The following STK33 variants were observed in gnomAD, a reference collection of about 807,000 sequenced individuals.
The protein encoded by STK33 is serine/threonine kinase 33, also known as serine/threonine-protein kinase 33.
A neutral mutation model predicts 58.0 loss-of-function variants in STK33; 52 were observed. The ratio of observed to expected loss-of-function variants is 0.90; its 90% CI spans 0.72 to 1.13. The LOEUF is 1.13. Ranked by LOEUF, STK33 falls within the 50% of genes most tolerant of loss-of-function variation. The pLI is 0.00. For missense variants in STK33, 630 were observed against 604.2 expected (o/e 1.04, Z -0.45); for synonymous variants, 215 against 200.1 (o/e 1.07, Z -0.63).
chr11:8,419,328 T>C (rs1332734255), intron 14 of STK33, among the ~76,000 whole-genome samples: 3 of 152,204 alleles, frequency 2.0e-5, no homozygotes, highest in Non-Finnish European at 4.4e-5. Context: ...GCACCATTTA[T>C]CGAATAGAAA....
At chr11:8,522,201 A>C (rs1290920704) in intron 1 of STK33, among the ~76,000 whole-genome samples, 1 of 152,248 alleles carries the variant, frequency 6.6e-6, no homozygotes, top group African/African-American at 2.4e-5. Flanking sequence ...CACTATTCAC[A>C]ATAGCAAAGA....
intron 1 of STK33, among the ~76,000 whole-genome samples, chr11:8,544,582 G>C (rs189945329): frequency 6.6e-6 from 1 of 151,206 alleles, no homozygotes; most frequent in Non-Finnish European, 1.5e-5. Context: ...ATAGAGCCTC[G>C]GATAATTGAC....
At chr11:8,466,062 A>G (rs1332016924) in intron 6 of STK33, 1 of 152,154 alleles carries the variant, frequency 6.6e-6, no homozygotes, top group Non-Finnish European at 1.5e-5. Flanking sequence ...TTCTGATTCA[A>G]TCATCTCCCA....
intron 1 of STK33, among the ~76,000 whole-genome samples, chr11:8,534,364 C>T (rs1954795104): frequency 6.6e-6 from 1 of 151,996 alleles, no homozygotes; most frequent in African/African-American, 2.4e-5. Flanking sequence ...CACAGCCTAA[C>T]CCACTCTACT....
chr11:8,494,638 G>C (rs1457587852), intron 1 of STK33, among the ~76,000 whole-genome samples: 2 of 152,104 alleles, frequency 1.3e-5, no homozygotes, highest in African/African-American at 4.8e-5. Context: ...ACATTGCCAA[G>C]ACAATCCTAA....
At chr11:8,555,467 C>T (rs1424630507) in intron 1 of STK33, among the ~76,000 whole-genome samples, 1 of 152,068 alleles carries the variant, frequency 6.6e-6, no homozygotes, top group Non-Finnish European at 1.5e-5. Context: ...AGTTCAAGAC[C>T]AGCCTGGGCA....
the STK33 span, among the ~76,000 whole-genome samples, chr11:8,383,016 G>T: frequency 6.6e-6 from 1 of 152,322 alleles, no homozygotes; most frequent in Non-Finnish European, 1.5e-5. Flanking sequence ...TGTCATTAAA[G>T]CCTGTCCTGG....
the STK33 span, among the ~76,000 whole-genome samples, chr11:8,374,167 C>A: frequency 6.6e-6 from 1 of 152,198 alleles, no homozygotes; most frequent in Non-Finnish European, 1.5e-5. Flanking sequence ...CTTTCTGATG[C>A]TTCTCTCTGT....
In STK33 at chr11:8,594,214, G is replaced by T; in HGVS notation, c.-597C>A. The T allele has an allele frequency of 6.6e-6, 1 of 152,420 alleles. No individual in the cohort carries two copies. The highest frequency in any genetic ancestry group is 1.5e-5 in the Non-Finnish European group (1 of 68,102). 9.4% of individuals were successfully genotyped at this position (152,420 alleles called of 1,614,324 possible). A position where few individuals can be genotyped will look rare whatever the true frequency, so the allele number is the denominator to read the frequency against. On this transcript the variant is annotated 5_prime_UTR_variant, in exon 1 of 16. Coordinates refer to ENST00000687296, the MANE Select transcript of STK33 (RefSeq NM_001352389.2). Reference sequence around the variant, plus strand: ...CCGCAGGGCAGTGGACGGGGGCCGCGCGAGGACAAACAGCGGCGGCGGGTG... The same window carrying T: ...CCGCAGGGCAGTGGACGGGGGCCGCTCGAGGACAAACAGCGGCGGCGGGTG...
chr11:8,396,227 C>A (rs1590708459), intron 15 of STK33, among the ~76,000 whole-genome samples: 1 of 152,186 alleles, frequency 6.6e-6, no homozygotes, highest in East Asian at 1.9e-4. Context: ...CCTCAGCCTC[C>A]CGAGTAGTTG....
At chr11:8,368,030 G>A in the STK33 span, among the ~76,000 whole-genome samples, 1 of 152,088 alleles carries the variant, frequency 6.6e-6, no homozygotes, top group Non-Finnish European at 1.5e-5. Context: ...TGATGAAGCG[G>A]GACTGAGGGA....
At chr11:8,468,367 C>T (rs10840054) in intron 6 of STK33, among the ~76,000 whole-genome samples, 14,237 of 152,162 alleles carry the variant, frequency 0.094, 1,571 homozygotes, top group African/African-American at 0.27. Flanking sequence ...GACACAAAAC[C>T]AAACCATATC....
intron 15 of STK33, among the ~76,000 whole-genome samples, chr11:8,406,430 G>C (rs993422060): frequency 3.9e-5 from 6 of 152,050 alleles, no homozygotes; most frequent in Non-Finnish European, 5.9e-5. Flanking sequence ...ATTTCAACTG[G>C]GATTGGTTTA....
chr11:8,496,636 G>A (rs1314417081), intron 1 of STK33, among the ~76,000 whole-genome samples: 6 of 150,802 alleles, frequency 4.0e-5, no homozygotes, highest in African/African-American at 1.2e-4. Flanking sequence ...GTGCAGTGGC[G>A]TGATCTCGGC....
At chr11:8,411,912 T>C (rs1428581735) in intron 15 of STK33, among the ~76,000 whole-genome samples, 4 of 152,190 alleles carry the variant, frequency 2.6e-5, no homozygotes, top group African/African-American at 9.6e-5. Flanking sequence ...CCCTAGTTGA[T>C]GTAGCTGAGA....
At chr11:8,536,060 A>T (rs1166693363) in intron 1 of STK33, among the ~76,000 whole-genome samples, 3 of 152,190 alleles carry the variant, frequency 2.0e-5, no homozygotes, top group Non-Finnish European at 4.4e-5. Flanking sequence ...GATCACATGG[A>T]GGTACAGAGT....
the STK33 span, among the ~76,000 whole-genome samples, chr11:8,350,761 G>A: frequency 1.2e-4 from 19 of 152,166 alleles, no homozygotes; most frequent in Non-Finnish European, 4.4e-5. Flanking sequence ...GCTGGTATGT[G>A]CCTGCAGGCA....
intron 1 of STK33, among the ~76,000 whole-genome samples, chr11:8,572,621 G>A (rs780613786): frequency 4.6e-5 from 7 of 151,622 alleles, no homozygotes; most frequent in Non-Finnish European, 8.8e-5. Context: ...GTCTCACTGC[G>A]TTCCCCAGGC....
intron 11 of STK33, among the ~76,000 whole-genome samples, chr11:8,451,359 A>G (rs1261568716): frequency 6.6e-6 from 1 of 152,344 alleles, no homozygotes; most frequent in East Asian, 1.9e-4. Flanking sequence ...AAGTAGATAA[A>G]CAAAATGTGG....
Sources: gnomAD v4.1 joint callset for allele counts (sites outside exome capture counted in the v4.1 genomes callset) on GRCh38, gnomAD v4.1.1 for gene constraint, MANE v1.5 for transcripts, NCBI Gene and HGNC (gene_info 2026-07-23, HGNC 2026-07-21) for gene names.